NBPF11: variants seen among roughly 807,000 people sequenced by gnomAD.
NBPF11 encodes NBPF member 11, also known as NBPF family member NBPF11.
A neutral mutation model predicts 93.9 loss-of-function variants in NBPF11; 72 were observed. The observed-to-expected ratio is 0.77, with a 90% CI of 0.63 to 0.93. The LOEUF is 0.93. NBPF11 is among the 40% of genes least tolerant of loss of function. The probability of loss-of-function intolerance (pLI) is 0.00; values close to 1 mark genes in which losing one functional copy is unlikely to be tolerated. For missense variants in NBPF11, 705 were observed against 802.2 expected, an observed-to-expected ratio of 0.88 and a Z score of 1.46; for synonymous variants, 224 against 304.9, an observed-to-expected ratio of 0.73 and a Z score of 2.76.
intron 7 of NBPF11, among the ~76,000 whole-genome samples, chr1:148,123,361 C>T (rs1668343182): frequency 2.0e-5 from 3 of 152,244 alleles, no homozygotes; most frequent in Admixed American, 1.3e-4. Flanking sequence ...GGGGCTTCAT[C>T]TCATTTTGAA....
At chr1:148,129,545 G>A (rs1358176467) in intron 4 of NBPF11, 3 of 154,256 alleles carry the variant, frequency 1.9e-5, no homozygotes, top group African/African-American at 7.3e-5. Context: ...GGCCATTGTG[G>A]GCAACAAGGA....
At chr1:148,146,329 C>T (rs1326292908) in intron 1 of NBPF11, 9 of 1,394,866 alleles carry the variant, frequency 6.5e-6, no homozygotes, top group South Asian at 6.3e-5. Flanking sequence ...CCTCCCCTGC[C>T]GGGCCAGGCC....
intron 4 of NBPF11, among the ~76,000 whole-genome samples, chr1:148,131,160 GAAAA>G (rs60473932): frequency 2.6e-5 from 3 of 117,126 alleles, no homozygotes; most frequent in Admixed American, 8.8e-5. Context: ...ATATTAAGAG[GAAAA>G]AAAAAAAAAA....
At chr1:148,149,618 C>T in intron 1 of NBPF11, 9 of 1,537,220 alleles carry the variant, frequency 5.9e-6, no homozygotes, top group Non-Finnish European at 7.9e-6. Flanking sequence ...CCGGACCTCA[C>T]CCCGCGCCGG....
chr1:148,146,777 G>T, intron 1 of NBPF11: 1 of 1,613,288 alleles, frequency 6.2e-7, no homozygotes, highest in Non-Finnish European at 8.5e-7. Context: ...GGCCAGATGA[G>T]CAGCTTCTAC....
chr1:148,118,654 G>A lies in NBPF11; in HGVS notation c.1057C>T (p.Leu353Phe). 1.2e-6 allele frequency: 2 copies of A among 1,612,962 alleles called. No homozygotes were observed. Among genetic ancestry groups the A allele is most frequent in the South Asian group, 1.1e-5 (1 of 91,030 alleles). ...TCAGCTTGCTTCAGCTGCTCTGCAA[G>A]CTTCTCCTCCTTGAACTGTCGCTCA... ...RNERQFKEEK[L>F]AEQLKQAEEL... Residue 353 changes from leucine (L) to phenylalanine (F), a missense_variant, in exon 11 of 24, where the codon CTT becomes TTT. Transcript: ENST00000682118.
chr1:148,124,299 C>A (rs1190795493), intron 6 of NBPF11, among the ~76,000 whole-genome samples: 1,705 of 151,918 alleles, frequency 0.011, 12 homozygotes, highest in African/African-American at 0.04. Context: ...ATTCATCTTT[C>A]CCTTCTGTAA....
At position 148,143,419 on chromosome 1, in the gene NBPF11, T is replaced by G. The variant is rs1672501873; in HGVS notation, c.-281A>C. Reference sequence around the variant, plus strand: ...GCAATGCCTCAGGATTTTTACCTGTTGGATCTGGCAGCTCTTCATGTCGGC... The same window carrying G: ...GCAATGCCTCAGGATTTTTACCTGTGGGATCTGGCAGCTCTTCATGTCGGC... On this transcript the variant is annotated 5_prime_UTR_variant, in exon 2 of 24. Coordinates refer to ENST00000682118, the MANE Select transcript of NBPF11 (RefSeq NM_001385469.3). 5.6e-6 allele frequency: 5 copies of G among 900,802 alleles called. No homozygotes were observed. The highest frequency in any genetic ancestry group is 4.3e-6 in the Non-Finnish European group (3 of 700,054). The allele number at this position is 900,802 out of a possible 1,614,324, so 55.8% of individuals were successfully genotyped here. A position where few individuals can be genotyped will look rare whatever the true frequency, so the allele number is the denominator to read the frequency against.
At chr1:148,145,201 CTTTTTT>C (rs1190949525) in intron 1 of NBPF11, among the ~76,000 whole-genome samples, 4 of 75,608 alleles carry the variant, frequency 5.3e-5, no homozygotes, top group East Asian at 4.9e-4. Flanking sequence ...TTTTTTCTTT[CTTTTTT>C]TTTTTTTTTT....
At chr1:148,107,443 T>C (rs1341111085) in intron 19 of NBPF11, among the ~76,000 whole-genome samples, 179 of 149,294 alleles carry the variant, frequency 1.2e-3, no homozygotes, top group Middle Eastern at 3.5e-3. Flanking sequence ...AAGAGTGGGC[T>C]CAATAATTTT....
chr1:148,150,115 T>C (rs1319267230), intron 1 of NBPF11, among the ~76,000 whole-genome samples: 4 of 151,460 alleles, frequency 2.6e-5, no homozygotes, highest in Non-Finnish European at 4.4e-5. Context: ...TATTTCTTAA[T>C]CTGTGGTGGT....
In NBPF11 at chr1:148,109,243, T is replaced by C. The variant is rs587706647; in HGVS notation, c.1853+41A>G. 18 of 860,344 alleles carry C rather than the reference T, an allele frequency of 2.1e-5. No homozygotes were observed. In the African/African-American group the frequency reaches 3.0e-4, roughly 14 times the overall value. 53.3% of individuals were successfully genotyped at this position (860,344 alleles called of 1,614,324 possible). A position where few individuals can be genotyped will look rare whatever the true frequency, so the allele number is the denominator to read the frequency against. ...TTTCCCTGGACTTGGCATCTCCAGG[T>C]GTCAACATCAAATTAACTGTCCACA... On this transcript the variant is annotated intron_variant, in intron 17 of 23. Coordinates refer to ENST00000682118, the MANE Select transcript of NBPF11 (RefSeq NM_001385469.3).
intron 16 of NBPF11, 180 bp from the exon 17 acceptor site, chr1:148,109,515 T>C (rs1553268203): frequency 1.6e-6 from 1 of 635,544 alleles, no homozygotes; most frequent in Admixed American, 2.4e-5. Context: ...CTTGGGTTCT[T>C]TCATGAGCCT....
intron 4 of NBPF11, among the ~76,000 whole-genome samples, chr1:148,129,131 T>A: frequency 6.9e-6 from 1 of 144,950 alleles, no homozygotes; most frequent in African/African-American, 2.6e-5. Flanking sequence ...ATATGTATTA[T>A]TTATATATAC....
chr1:148,145,992 G>A (rs1553276744), intron 1 of NBPF11, among the ~76,000 whole-genome samples: 1 of 152,050 alleles, frequency 6.6e-6, no homozygotes, highest in Non-Finnish European at 1.5e-5. Context: ...ATCCTAGAAA[G>A]GATGCATATC....
Position 148,107,916 on chromosome 1 carries a change from A to T in NBPF11, c.2027-154T>A, listed in dbSNP as rs1664140444. On this transcript the variant is annotated intron_variant, in intron 18 of 23. Transcript: ENST00000682118. The stretch of plus-strand genomic sequence containing the variant: ...TCTTCAGGAGGCCTGAAGGCTGATC[A>T]TGATAGAGATTCCTTGGTTTTTGTC... Among the ~76,000 whole-genome samples the T allele has an allele frequency of 2.6e-5, 4 of 152,086 alleles. No individual in the cohort carries two copies. In the East Asian group the frequency reaches 5.8e-4, roughly 22 times the overall value.
chr1:148,119,097 CG>C (rs1406036283), intron 10 of NBPF11, among the ~76,000 whole-genome samples: 2 of 140,222 alleles, frequency 1.4e-5, no homozygotes, highest in East Asian at 4.1e-4. Context: ...CTTGTACAGT[CG>C]GGAAGGCCCC....
At chr1:148,122,015 C>T in intron 9 of NBPF11, 40 bp downstream of exon 9, 1 of 1,146,510 alleles carries the variant, frequency 8.7e-7, no homozygotes, top group Non-Finnish European at 1.3e-6. Flanking sequence ...TCTTCCATAG[C>T]CTAGACAGAG....
In NBPF11 at chr1:148,115,821, T is replaced by C. The variant is rs1666388071; in HGVS notation, c.1557A>G (p.Glu519=). 5.0e-6 allele frequency: 8 copies of C among 1,585,992 alleles called. No individual in the cohort carries two copies. Among genetic ancestry groups the C allele is most frequent in the Non-Finnish European group, 6.0e-6 (7 of 1,164,002 alleles). Residue 519 remains glutamate (E), a synonymous_variant, in exon 14 of 24, where the codon GAA becomes GAG. Coordinates refer to ENST00000682118, the MANE Select transcript of NBPF11 (RefSeq NM_001385469.3). The part of the protein sequence containing the change: ...STLIGSSSHV[E]WEDAVHIIPE... ...GGATAATGTGTACAGCATCCTCCCA[T>C]TCAACATGAGAGGATGAGCCAATGA...
Sources: allele counts gnomAD v4.1 joint callset (sites outside exome capture counted in the v4.1 genomes callset), GRCh38; gene constraint gnomAD v4.1.1; transcripts MANE v1.5; gene names NCBI Gene and HGNC (gene_info 2026-07-23, HGNC 2026-07-21).